Variants in C18orf63 observed in about 807,000 individuals in gnomAD.
C18orf63 encodes uncharacterized protein C18orf63.
In C18orf63, 50 loss-of-function variants were observed where a neutral mutation model predicts 75.3. The observed-to-expected ratio is 0.66, with a 90% CI of 0.53 to 0.84. The LOEUF (loss-of-function observed/expected upper bound fraction) is 0.84. Ranked by LOEUF, C18orf63 falls within the 40% of genes least tolerant of loss-of-function variation. The pLI is 0.00. For synonymous variants in C18orf63, 232 were observed against 267.6 expected, an observed-to-expected ratio of 0.87 and a Z score of 1.30; for missense variants, 732 against 800.2, an observed-to-expected ratio of 0.91 and a Z score of 1.03.
Position 74,343,655 on chromosome 18 carries a change from A to C in C18orf63, c.931A>C (p.Ser311Arg), listed in dbSNP as rs564188153. 2 of 1,534,348 alleles carry C rather than the reference A, an allele frequency of 1.3e-6. No homozygotes were observed. Among genetic ancestry groups the C allele is most frequent in the African/African-American group, 2.7e-5 (2 of 72,992 alleles). The change falls in exon 11 of 14, where the codon AGT (serine) becomes CGT (arginine). Residue 311 changes from serine (S) to arginine (R), a missense_variant. Transcript: ENST00000579455. Reference protein sequence around the residue: ...HICGFPIKMTSKPCYYTQELT... With the variant: ...HICGFPIKMTRKPCYYTQELT... ...ATGTGGATTTCCCATAAAGATGACA[A>C]GTAAACCATGCTACTACACACAAGA...
At chr18:74,344,851 G>T (rs1239259853) in intron 11 of C18orf63, among the ~76,000 whole-genome samples, 2 of 151,938 alleles carry the variant, frequency 1.3e-5, no homozygotes, top group Non-Finnish European at 2.9e-5. Context: ...TTTCTCTTTG[G>T]AGGCTATTAC....
At position 74,321,937 on chromosome 18, in the gene C18orf63, A is replaced by G. The variant is rs141961572; in HGVS notation, c.214-761A>G. On this transcript the variant is annotated intron_variant, in intron 3 of 13. Transcript: ENST00000579455. Reference sequence around the variant, plus strand: ...AACAACCTTTCCTGGATATCTTTCCATGTCAGTACACATATCTTCCTCACT... The same window carrying G: ...AACAACCTTTCCTGGATATCTTTCCGTGTCAGTACACATATCTTCCTCACT... Among the ~76,000 whole-genome samples the G allele has an allele frequency of 7.3e-4, 111 of 152,210 alleles. No homozygotes were observed. The East Asian group carries it at 0.01, about 14-fold the overall frequency.
intron 5 of C18orf63, among the ~76,000 whole-genome samples, chr18:74,328,506 T>G (rs925391649): frequency 3.9e-5 from 6 of 152,206 alleles, no homozygotes; most frequent in African/African-American, 1.4e-4. Flanking sequence ...AGATATACAA[T>G]TTTTAGAAAA....
intron 11 of C18orf63, among the ~76,000 whole-genome samples, chr18:74,346,452 A>G (rs1277131608): frequency 6.6e-6 from 1 of 152,206 alleles, no homozygotes; most frequent in East Asian, 1.9e-4. Context: ...GAAAAATTGT[A>G]CAAAAACCTG....
At position 74,349,624 on chromosome 18, in the gene C18orf63, G is replaced by A. The variant is rs575211004; in HGVS notation, c.979-3622G>A. ...AGGTTGCATGCTCCTTATGAGAATC[G>A]AATGCCTGATGATCTGAGATGGAAC... On this transcript the variant is annotated intron_variant, in intron 11 of 13. Coordinates refer to ENST00000579455, the MANE Select transcript of C18orf63 (RefSeq NM_001174123.2). 3.9e-4 allele frequency among the ~76,000 whole-genome samples: 60 copies of A among 152,178 alleles called. 1 individual carries two copies. Among genetic ancestry groups the A allele is most frequent in the South Asian group, 3.3e-3 (16 of 4,814 alleles).
intron 7 of C18orf63, among the ~76,000 whole-genome samples, chr18:74,333,734 T>C (rs895375467): frequency 6.6e-6 from 1 of 152,116 alleles, no homozygotes; most frequent in African/African-American, 2.4e-5. Flanking sequence ...AGCCAAACCA[T>C]ATCACCATCC....
chr18:74,333,912 A>G (rs568273592), intron 7 of C18orf63, among the ~76,000 whole-genome samples: 89 of 152,282 alleles, frequency 5.8e-4, no homozygotes, highest in African/African-American at 2.1e-3. Flanking sequence ...TCAATTCTCT[A>G]AATTATGATT....
At chr18:74,330,171 G>T (rs1984280967) in intron 6 of C18orf63, among the ~76,000 whole-genome samples, 2 of 152,142 alleles carry the variant, frequency 1.3e-5, no homozygotes, top group East Asian at 3.8e-4. Context: ...CCTCACTCCT[G>T]TGTTAGGATT....
intron 8 of C18orf63, among the ~76,000 whole-genome samples, chr18:74,341,094 C>T (rs1984474591): frequency 6.6e-6 from 1 of 150,900 alleles, no homozygotes; most frequent in African/African-American, 2.4e-5. Context: ...GAAACCCCGT[C>T]TCTACTAAAA....
chr18:74,343,482 G>A (rs1984521686), intron 10 of C18orf63, 37 bp from the exon 11 acceptor site: 1 of 1,371,644 alleles, frequency 7.3e-7, no homozygotes, highest in Non-Finnish European at 9.6e-7. Flanking sequence ...TGCCTCTTAT[G>A]TAATAAAATC....
chr18:74,355,336 A>G (rs1426204124), intron 13 of C18orf63, among the ~76,000 whole-genome samples: 2 of 151,986 alleles, frequency 1.3e-5, no homozygotes, highest in African/African-American at 4.8e-5. Context: ...ATTTTAATGC[A>G]CTCAGTAGGT....
chr18:74,334,978 C>G (rs546576587), intron 7 of C18orf63, among the ~76,000 whole-genome samples: 1 of 152,278 alleles, frequency 6.6e-6, no homozygotes, highest in South Asian at 2.1e-4. Context: ...TTCTGCTCAT[C>G]TTTCAAGGCT....
chr18:74,356,179 A>G (rs920463201), intron 13 of C18orf63, among the ~76,000 whole-genome samples: 1 of 152,174 alleles, frequency 6.6e-6, no homozygotes, highest in African/African-American at 2.4e-5. Flanking sequence ...ACCTGCATGT[A>G]TTGTAGGGGT....
chr18:74,355,339 CAGT>C (rs1477977642), intron 13 of C18orf63, among the ~76,000 whole-genome samples: 11 of 152,066 alleles, frequency 7.2e-5, no homozygotes, highest in Non-Finnish European at 7.4e-5. Context: ...TTAATGCACT[CAGT>C]AGGTGACTGA....
chr18:74,352,991 T>A (rs1277836938), intron 11 of C18orf63, among the ~76,000 whole-genome samples: 3 of 152,104 alleles, frequency 2.0e-5, no homozygotes, highest in Non-Finnish European at 4.4e-5. Flanking sequence ...GTTTTTATGG[T>A]AGATTTATAT....
Position 74,353,421 on chromosome 18 carries a change from T to G in C18orf63, c.1154T>G (p.Leu385Trp), listed in dbSNP as rs774134677. The G allele has an allele frequency of 5.9e-6, 9 of 1,536,326 alleles. No homozygotes were observed. The South Asian group carries it at 1.1e-4, about 18-fold the overall frequency. Residue 385 changes from leucine to tryptophan, a missense_variant, in exon 12 of 14, where the codon TTG becomes TGG. Coordinates refer to ENST00000579455, the MANE Select transcript of C18orf63 (RefSeq NM_001174123.2). ...CCAACATCAGGCATTTTCTCAGCTT[T>G]GCATCTCCAGCCAGAGTCTGTTCAG... ...SQPTSGIFSALHLQPESVQGR... is the reference protein window; with the variant it reads ...SQPTSGIFSAWHLQPESVQGR...
intron 8 of C18orf63, among the ~76,000 whole-genome samples, chr18:74,341,270 CAAAAAAAAAAAAAAAAAAAAAAAAA>C (rs58362707): frequency 6.8e-5 from 4 of 58,986 alleles, no homozygotes; most frequent in African/African-American, 2.9e-4. Context: ...GACTCCGTCT[CAAAAAAAAAAAAAAAAAAAAAAAAA>C]AAAAAAAAGT....
At chr18:74,338,669 T>C (rs1984430733) in intron 7 of C18orf63, 46 bp from the exon 8 acceptor site, 2 of 799,486 alleles carry the variant, frequency 2.5e-6, no homozygotes, top group Non-Finnish European at 3.6e-6. Context: ...TGTTTCCTTT[T>C]TTGCCAAATG....
chr18:74,348,690 T>A (rs923159530), intron 11 of C18orf63, among the ~76,000 whole-genome samples: 1 of 152,206 alleles, frequency 6.6e-6, no homozygotes, highest in African/African-American at 2.4e-5. Flanking sequence ...AAGCATATTT[T>A]TTTTGTTGGC....
Sources: allele counts gnomAD v4.1 joint callset (sites outside exome capture counted in the v4.1 genomes callset), GRCh38; gene constraint gnomAD v4.1.1; transcripts MANE v1.5; gene names NCBI Gene and HGNC (gene_info 2026-07-23, HGNC 2026-07-21).